The following STON2 variants were observed in gnomAD, a reference collection of about 807,000 sequenced individuals.
STON2 encodes the protein stonin-2.
In STON2, 29 loss-of-function variants were observed where a neutral mutation model predicts 65.7. The observed-to-expected ratio is 0.44, with a 90% CI of 0.33 to 0.60. STON2 has a LOEUF of 0.60. Among genes scored for constraint, STON2 ranks in the 20% least tolerant of loss-of-function variants. STON2 has a pLI of 0.03. For synonymous variants in STON2, 404 were observed against 414.2 expected (o/e 0.98, Z 0.30); for missense variants, 1,054 against 1,118.1 (o/e 0.94, Z 0.82).
In STON2 at chr14:81,266,763, A is replaced by G. The variant is rs949435401; in HGVS notation, c.*1651T>C. 3.0e-6 allele frequency: 3 copies of G among 985,236 alleles called. No homozygotes were observed. Among genetic ancestry groups the G allele is most frequent in the Non-Finnish European group, 3.6e-6 (3 of 829,918 alleles). The allele number at this position is 985,236 out of a possible 1,614,324, so 61.0% of individuals were successfully genotyped here. A position where few individuals can be genotyped will look rare whatever the true frequency, so the allele number is the denominator to read the frequency against. On this transcript the variant is annotated 3_prime_UTR_variant, in exon 8 of 8. Coordinates refer to ENST00000614646, the MANE Select transcript of STON2 (RefSeq NM_001394390.1). ...TCTGTAAGGAAATATTTCTCTATAAACTACCGTGAAACCAGGTCTTCCTAA... is the reference window on the plus strand; with the variant it reads ...TCTGTAAGGAAATATTTCTCTATAAGCTACCGTGAAACCAGGTCTTCCTAA...
intron 5 of STON2, among the ~76,000 whole-genome samples, chr14:81,281,001 A>C (rs888680625): frequency 8.2e-5 from 12 of 146,990 alleles, no homozygotes; most frequent in Non-Finnish European, 1.5e-4. Context: ...ATAGAGCGAA[A>C]CTCCGTCTCA....
chr14:81,312,129 G>T (rs1417762232), intron 5 of STON2, among the ~76,000 whole-genome samples: 2 of 152,246 alleles, frequency 1.3e-5, no homozygotes, highest in African/African-American at 4.8e-5. Context: ...CATAAGAAGA[G>T]AGATTACATG....
At chr14:81,350,071 C>T (rs1320162976) in intron 4 of STON2, among the ~76,000 whole-genome samples, 1 of 151,820 alleles carries the variant, frequency 6.6e-6, no homozygotes, top group Non-Finnish European at 1.5e-5. Context: ...ATCAGAGAGT[C>T]GAAAGGGTAT....
intron 3 of STON2, among the ~76,000 whole-genome samples, chr14:81,372,964 C>A (rs928515096): frequency 1.8e-4 from 28 of 152,118 alleles, no homozygotes; most frequent in African/African-American, 6.8e-4. Context: ...CTGGAGTTCT[C>A]ATTGTTCATA....
chr14:81,425,021 C>T (rs1268248563), intron 2 of STON2, among the ~76,000 whole-genome samples: 1 of 152,192 alleles, frequency 6.6e-6, no homozygotes, highest in African/African-American at 2.4e-5. Flanking sequence ...TGGTAGATGT[C>T]TCACTGACAG....
chr14:81,384,765 G>A (rs1899712503), intron 3 of STON2, among the ~76,000 whole-genome samples: 1 of 152,108 alleles, frequency 6.6e-6, no homozygotes, highest in Non-Finnish European at 1.5e-5. Context: ...CTTGTCCTTC[G>A]GGATCCTGGG....
chr14:81,391,701 C>T (rs934836419), intron 3 of STON2, among the ~76,000 whole-genome samples: 1 of 152,122 alleles, frequency 6.6e-6, no homozygotes, highest in African/African-American at 2.4e-5. Flanking sequence ...TGCTGTGCAC[C>T]GTCCCCTATG....
chr14:81,305,537 T>C (rs1479158060), intron 5 of STON2, among the ~76,000 whole-genome samples: 1 of 152,236 alleles, frequency 6.6e-6, no homozygotes, highest in Non-Finnish European at 1.5e-5. Context: ...AAGGCTTTTG[T>C]CCATTGGGTG....
intron 7 of STON2, chr14:81,269,864 C>A: frequency 1.0e-6 from 1 of 985,400 alleles, no homozygotes; most frequent in South Asian, 4.7e-5. Context: ...CCTTCCACAG[C>A]CCTGACCCTG....
At chr14:81,416,539 G>A (rs1008847315) in intron 2 of STON2, among the ~76,000 whole-genome samples, 1 of 152,174 alleles carries the variant, frequency 6.6e-6, no homozygotes, top group East Asian at 1.9e-4. Context: ...CATTCCCATG[G>A]TCATCTATGT....
Position 81,266,371 on chromosome 14 carries a change from C to T in STON2, c.*2043G>A, listed in dbSNP as rs1222816865. Among the ~76,000 whole-genome samples the T allele has an allele frequency of 6.6e-6, 1 of 152,160 alleles. No individual in the cohort carries two copies. The highest frequency in any genetic ancestry group is 2.4e-5 in the African/African-American group (1 of 41,434). On this transcript the variant is annotated 3_prime_UTR_variant, in exon 8 of 8. Coordinates refer to ENST00000614646, the MANE Select transcript of STON2 (RefSeq NM_001394390.1). ...TTGTTCTTATTTTTGCCCTTTGAAG[C>T]TACACAGAATAAATCTAATTCCTCT...
intron 5 of STON2, among the ~76,000 whole-genome samples, chr14:81,283,886 T>G (rs1237174172): frequency 1.3e-5 from 2 of 152,184 alleles, no homozygotes; most frequent in Non-Finnish European, 2.9e-5. Flanking sequence ...GTCAGCACCA[T>G]CTTTACAACA....
chr14:81,313,560 C>T (rs1451533560), intron 5 of STON2, among the ~76,000 whole-genome samples: 2 of 151,704 alleles, frequency 1.3e-5, no homozygotes, highest in East Asian at 1.9e-4. Context: ...TTCGGGAGGC[C>T]GAGGCAGGTA....
upstream of STON2, among the ~76,000 whole-genome samples, chr14:81,403,555 A>G (rs17111775): frequency 0.055 from 8,365 of 152,250 alleles, 295 homozygotes; most frequent in East Asian, 0.1. Context: ...GCATGCGAAC[A>G]ATGGAAACTT....
chr14:81,341,632 G>A (rs1273389426), intron 4 of STON2, among the ~76,000 whole-genome samples: 1 of 151,898 alleles, frequency 6.6e-6, no homozygotes, highest in Non-Finnish European at 1.5e-5. Flanking sequence ...GGGCGTGTAT[G>A]GGGCACATAC....
intron 4 of STON2, among the ~76,000 whole-genome samples, chr14:81,331,592 A>G (rs1364526504): frequency 1.3e-5 from 2 of 152,214 alleles, no homozygotes; most frequent in African/African-American, 4.8e-5. Flanking sequence ...GCCCACCAAT[A>G]CAACGAATGA....
At chr14:81,275,545 T>C (rs192816483) in intron 6 of STON2, among the ~76,000 whole-genome samples, 11 of 152,160 alleles carry the variant, frequency 7.2e-5, no homozygotes, top group Non-Finnish European at 1.3e-4. Flanking sequence ...GTGGATAAGG[T>C]AGAAGTTACA....
chr14:81,319,312 C>A (rs960721610), intron 5 of STON2, among the ~76,000 whole-genome samples: 1 of 151,976 alleles, frequency 6.6e-6, no homozygotes, highest in Admixed American at 6.6e-5. Context: ...GTAATTTATA[C>A]CTGATTTTTT....
intron 5 of STON2, among the ~76,000 whole-genome samples, chr14:81,309,560 T>C (rs61978897): frequency 0.093 from 14,104 of 152,224 alleles, 736 homozygotes; most frequent in Non-Finnish European, 0.1. Flanking sequence ...GCAAATCTGA[T>C]CCTTCCTTGG....
Sources: allele counts gnomAD v4.1 joint callset (sites outside exome capture counted in the v4.1 genomes callset), GRCh38; gene constraint gnomAD v4.1.1; transcripts MANE v1.5; gene names NCBI Gene and HGNC (gene_info 2026-07-23, HGNC 2026-07-21).